SETD5: variants seen among roughly 807,000 people sequenced by gnomAD.
The protein encoded by SETD5 is histone-lysine N-methyltransferase SETD5.
SETD5 carries 44 observed loss-of-function variants against 153.3 expected under a neutral mutation model. The ratio of observed to expected loss-of-function variants is 0.29; its 90% confidence interval spans 0.23 to 0.37. The LOEUF is 0.37. Ranked by LOEUF, SETD5 falls within the 10% of genes least tolerant of loss-of-function variation. The pLI is 1.00. For missense variants in SETD5, 1,544 were observed against 1,768.0 expected, an observed-to-expected ratio of 0.87 and a Z score of 2.27; for synonymous variants, 716 against 645.2, an observed-to-expected ratio of 1.11 and a Z score of -1.66.
At chr3:9,402,535 CTTAAG>C (rs1273722762) in intron 1 of SETD5, among the ~76,000 whole-genome samples, 1 of 152,080 alleles carries the variant, frequency 6.6e-6, no homozygotes, top group Non-Finnish European at 1.5e-5. Flanking sequence ...TTTTAAAACA[CTTAAG>C]TTTTTACATC....
At chr3:9,443,563 T>G (rs1051170667) in intron 11 of SETD5, 146 bp downstream of exon 11, 1 of 483,600 alleles carries the variant, frequency 2.1e-6, no homozygotes, top group Non-Finnish European at 3.3e-6. Context: ...GCCTAGAAAT[T>G]GTAAAGGAAA....
chr3:9,405,077 G>A (rs1466817655), intron 1 of SETD5, among the ~76,000 whole-genome samples: 1 of 152,170 alleles, frequency 6.6e-6, no homozygotes, highest in Non-Finnish European at 1.5e-5. Flanking sequence ...TAAATACAAA[G>A]CTAATTTGCC....
intron 7 of SETD5, among the ~76,000 whole-genome samples, chr3:9,439,791 C>G (rs939712973): frequency 9.9e-5 from 15 of 152,210 alleles, no homozygotes; most frequent in Non-Finnish European, 7.3e-5. Context: ...CCCCTCACTT[C>G]ACCTCTTCAG....
chr3:9,399,674 T>G (rs1035831270), intron 1 of SETD5, among the ~76,000 whole-genome samples: 4 of 152,194 alleles, frequency 2.6e-5, no homozygotes, highest in Non-Finnish European at 5.9e-5. Context: ...AGCTTAATCT[T>G]CACTCCTAAA....
intron 1 of SETD5, among the ~76,000 whole-genome samples, chr3:9,402,005 C>T (rs966258162): frequency 2.1e-4 from 32 of 152,244 alleles, no homozygotes; most frequent in African/African-American, 7.5e-4. Flanking sequence ...GGGATTGGTA[C>T]CATTCCTTAC....
chr3:9,444,134 G>A (rs2041651601), intron 11 of SETD5, among the ~76,000 whole-genome samples: 1 of 152,188 alleles, frequency 6.6e-6, no homozygotes, highest in Non-Finnish European at 1.5e-5. Context: ...AAAGCTAGGG[G>A]TGAGATTTAA....
At chr3:9,442,549 G>C (rs1182162862) in intron 10 of SETD5, among the ~76,000 whole-genome samples, 1 of 152,198 alleles carries the variant, frequency 6.6e-6, no homozygotes, top group Non-Finnish European at 1.5e-5. Context: ...GGTGGAAGTA[G>C]ATGTTGTTAG....
At chr3:9,424,146 G>C (rs553391245) in intron 1 of SETD5, among the ~76,000 whole-genome samples, 23 of 152,240 alleles carry the variant, frequency 1.5e-4, no homozygotes, top group Admixed American at 8.5e-4. Context: ...TTTTAGGAGA[G>C]AGAAAAAGAA....
chr3:9,471,283 T>G (rs1301387159), intron 19 of SETD5, among the ~76,000 whole-genome samples: 1 of 152,196 alleles, frequency 6.6e-6, no homozygotes, highest in East Asian at 1.9e-4. Flanking sequence ...AATTTTCTAT[T>G]TTGCACATGA....
At chr3:9,467,503 T>C (rs2044751638) in intron 18 of SETD5, among the ~76,000 whole-genome samples, 1 of 151,994 alleles carries the variant, frequency 6.6e-6, no homozygotes, top group African/African-American at 2.4e-5. Context: ...TACGTGCACC[T>C]AGATGTACAC....
chr3:9,442,698 C>T (rs1356153409), intron 10 of SETD5, among the ~76,000 whole-genome samples: 1 of 152,122 alleles, frequency 6.6e-6, no homozygotes, highest in Non-Finnish European at 1.5e-5. Context: ...GCTTTACTTA[C>T]TGGCTAAGGA....
intron 7 of SETD5, among the ~76,000 whole-genome samples, chr3:9,436,230 T>C: frequency 6.6e-6 from 1 of 152,138 alleles, no homozygotes; most frequent in African/African-American, 2.4e-5. Context: ...TCTCCCCACC[T>C]CTCAACCCCA....
At chr3:9,453,979 T>C (rs2042926081) in intron 17 of SETD5, 111 bp downstream of exon 17, 1 of 1,235,982 alleles carries the variant, frequency 8.1e-7, no homozygotes, top group Non-Finnish European at 1.1e-6. Context: ...GTTTTCTAAA[T>C]AGTTACTTTA....
intron 3 of SETD5, chr3:9,430,582 A>G: frequency 5.2e-6 from 1 of 193,018 alleles, no homozygotes; most frequent in Non-Finnish European, 9.5e-6. Context: ...TATTGTGTTT[A>G]TAGGTTTTTA....
intron 2 of SETD5, among the ~76,000 whole-genome samples, chr3:9,427,248 T>C (rs2125022168): frequency 6.6e-6 from 1 of 152,264 alleles, no homozygotes; most frequent in South Asian, 2.1e-4. Context: ...CCATCTACCA[T>C]TTACAATTTA....
intron 17 of SETD5, 162 bp downstream of exon 17, chr3:9,454,030 G>A: frequency 2.5e-6 from 2 of 791,114 alleles, no homozygotes; most frequent in Non-Finnish European, 3.5e-6. Flanking sequence ...TCAAGTCAGG[G>A]ATCAGTTTTC....
chr3:9,461,292 C>T (rs925138929), intron 17 of SETD5, among the ~76,000 whole-genome samples: 1 of 152,074 alleles, frequency 6.6e-6, no homozygotes, highest in Non-Finnish European at 1.5e-5. Context: ...TAATGTTGTG[C>T]AGTCATTAAA....
At chr3:9,428,279 C>A (rs1192188553) in intron 2 of SETD5, among the ~76,000 whole-genome samples, 1 of 152,112 alleles carries the variant, frequency 6.6e-6, no homozygotes, top group Non-Finnish European at 1.5e-5. Flanking sequence ...AGAGAGTGTT[C>A]AATGACAAAA....
At chr3:9,457,618 A>G in intron 17 of SETD5, among the ~76,000 whole-genome samples, 1 of 150,736 alleles carries the variant, frequency 6.6e-6, no homozygotes. Context: ...ATGAATACCA[A>G]TTTTTTTTGT....
Sources: allele counts gnomAD v4.1 joint callset (sites outside exome capture counted in the v4.1 genomes callset), GRCh38; gene constraint gnomAD v4.1.1; transcripts MANE v1.5; gene names NCBI Gene and HGNC (gene_info 2026-07-23, HGNC 2026-07-21).